Variants in GALNT14 observed in about 807,000 individuals in gnomAD.
GALNT14 encodes the protein UDP-GalNAc:polypeptide N-acetylgalactosaminyltransferase 14.
In GALNT14, 60 loss-of-function variants were observed where a neutral mutation model predicts 77.5. The observed-to-expected ratio is 0.77, with a 90% confidence interval of 0.63 to 0.96. GALNT14 has a LOEUF of 0.96. Ranked by LOEUF, GALNT14 falls within the 40% of genes least tolerant of loss-of-function variation. The probability of loss-of-function intolerance (pLI) is 0.00; values close to 1 mark genes in which losing one functional copy is unlikely to be tolerated. For synonymous variants in GALNT14, 280 were observed against 281.7 expected, an observed-to-expected ratio of 0.99 and a Z score of 0.06; for missense variants, 710 against 731.0, an observed-to-expected ratio of 0.97 and a Z score of 0.33.
intron 1 of GALNT14, among the ~76,000 whole-genome samples, chr2:31,027,852 C>A (rs926134976): frequency 1.4e-5 from 2 of 147,316 alleles, no homozygotes; most frequent in African/African-American, 2.5e-5. Context: ...TGCTGCCTGG[C>A]GGATATGATA....
chr2:31,065,086 A>G (rs1674856874), intron 1 of GALNT14: 1 of 151,764 alleles, frequency 6.6e-6, no homozygotes, highest in Non-Finnish European at 1.5e-5. Flanking sequence ...TCTTCTCTCC[A>G]GATCAGCCCA....
chr2:31,062,375 T>C (rs568603409), intron 1 of GALNT14, among the ~76,000 whole-genome samples: 57 of 152,338 alleles, frequency 3.7e-4, no homozygotes, highest in African/African-American at 1.3e-3. Context: ...TCAATGTTCT[T>C]ACAAAGAACA....
chr2:30,937,586 G>A (rs1033088441), intron 9 of GALNT14, among the ~76,000 whole-genome samples: 1 of 152,156 alleles, frequency 6.6e-6, no homozygotes, highest in African/African-American at 2.4e-5. Context: ...TCCAGCAGCC[G>A]TGGTCGGTAC....
chr2:30,983,620 G>A (rs1398057028), intron 2 of GALNT14, among the ~76,000 whole-genome samples: 1 of 152,186 alleles, frequency 6.6e-6, no homozygotes, highest in Non-Finnish European at 1.5e-5. Flanking sequence ...TGGCCCAGAT[G>A]GCAGAACACC....
intron 1 of GALNT14, among the ~76,000 whole-genome samples, chr2:31,025,291 C>T (rs1015874915): frequency 1.3e-5 from 2 of 152,190 alleles, no homozygotes; most frequent in African/African-American, 4.8e-5. Flanking sequence ...AGACACCTGA[C>T]CCCAGAGCCA....
chr2:31,129,622 A>G, intron 1 of GALNT14: 7 of 985,356 alleles, frequency 7.1e-6, no homozygotes, highest in Non-Finnish European at 8.4e-6. Flanking sequence ...CTAATTTTTC[A>G]GTGGCCATCA....
Position 31,138,117 on chromosome 2 carries a change from C to A in GALNT14, c.-31G>T. The A allele has an allele frequency of 6.2e-7, 1 of 1,613,164 alleles. No homozygotes were observed. Among genetic ancestry groups the A allele is most frequent in the Non-Finnish European group, 8.5e-7 (1 of 1,179,612 alleles). Reference sequence around the variant, plus strand: ...CCTTTGCCGCTTCCTCTCCGCGGCGCTACGTCCCGGGGGCACCCCCCGGCG... The same window carrying A: ...CCTTTGCCGCTTCCTCTCCGCGGCGATACGTCCCGGGGGCACCCCCCGGCG... On this transcript the variant is annotated 5_prime_UTR_variant, in exon 1 of 15. Transcript: ENST00000349752.
chr2:30,976,613 G>A (rs368244723), intron 2 of GALNT14, among the ~76,000 whole-genome samples: 177 of 134,046 alleles, frequency 1.3e-3, no homozygotes, highest in African/African-American at 5.4e-3. Flanking sequence ...GTGCGTGTGC[G>A]TGTGTGTATG....
intron 1 of GALNT14, among the ~76,000 whole-genome samples, chr2:31,039,679 G>A (rs1283723514): frequency 7.9e-6 from 1 of 127,148 alleles, no homozygotes; most frequent in Non-Finnish European, 1.7e-5. Flanking sequence ...CATATTAGAA[G>A]ATCTCTTTTT....
chr2:31,045,960 C>T (rs1319954981), intron 1 of GALNT14, among the ~76,000 whole-genome samples: 1 of 152,196 alleles, frequency 6.6e-6, no homozygotes, highest in East Asian at 1.9e-4. Context: ...GCACAGGCCA[C>T]TCCAATCCTT....
At chr2:30,886,867 C>T in the GALNT14 span, among the ~76,000 whole-genome samples, 4 of 152,208 alleles carry the variant, frequency 2.6e-5, no homozygotes, top group Non-Finnish European at 5.9e-5. Context: ...ACATTTTCAT[C>T]ACCCCCAGAG....
chr2:30,924,027 TG>T, intron 13 of GALNT14, 91 bp downstream of exon 13: 1 of 1,386,300 alleles, frequency 7.2e-7, no homozygotes, highest in South Asian at 1.2e-5. Flanking sequence ...GGGCATCTGA[TG>T]TCATGTAAGA....
At chr2:30,953,650 T>G (rs2364445) in intron 6 of GALNT14, among the ~76,000 whole-genome samples, 132,282 of 152,096 alleles carry the variant, frequency 0.87, 57,991 homozygotes, top group East Asian at 1. Flanking sequence ...TTCTACTTGC[T>G]GTCACTTATA....
At chr2:31,065,560 G>A (rs778706853) in intron 1 of GALNT14, among the ~76,000 whole-genome samples, 16 of 152,170 alleles carry the variant, frequency 1.1e-4, no homozygotes, top group Non-Finnish European at 2.1e-4. Flanking sequence ...GGGGAGTCAG[G>A]GCCAGCAAGA....
rs75523661 is a variant in GALNT14 at position 31,005,097 on chromosome 2, G to A, written c.130-12090C>T. Reference sequence around the variant, plus strand: ...AAATTGTGACCCCTAGGACACTAAGGGAATACAAGGAAAAGGGTAAAGAAC... The same window carrying A: ...AAATTGTGACCCCTAGGACACTAAGAGAATACAAGGAAAAGGGTAAAGAAC... On this transcript the variant is annotated intron_variant, in intron 1 of 14. Transcript: ENST00000349752. Among the ~76,000 whole-genome samples, 485 of 152,292 alleles carry A rather than the reference G, an allele frequency of 3.2e-3. 1 individual carries two copies. The highest frequency in any genetic ancestry group is 0.01 in the African/African-American group (421 of 41,572).
At chr2:30,887,791 G>A in the GALNT14 span, among the ~76,000 whole-genome samples, 13 of 152,160 alleles carry the variant, frequency 8.5e-5, no homozygotes, top group Admixed American at 8.5e-4. Flanking sequence ...AAAATCTGAG[G>A]TCATGAAGAT....
intron 1 of GALNT14, among the ~76,000 whole-genome samples, chr2:31,011,191 T>C (rs1558490648): frequency 6.6e-6 from 1 of 152,250 alleles, no homozygotes; most frequent in Non-Finnish European, 1.5e-5. Context: ...GAGTTAGCTG[T>C]CTGGCTGTCT....
At chr2:31,028,488 C>T (rs1448662324) in intron 1 of GALNT14, among the ~76,000 whole-genome samples, 1 of 152,254 alleles carries the variant, frequency 6.6e-6, no homozygotes, top group Non-Finnish European at 1.5e-5. Context: ...CTGCCCTCCA[C>T]CAGGTCCGGT....
chr2:31,079,985 C>T (rs1234128274), intron 1 of GALNT14, among the ~76,000 whole-genome samples: 1 of 152,160 alleles, frequency 6.6e-6, no homozygotes, highest in African/African-American at 2.4e-5. Context: ...ACCTGGTGCC[C>T]AAATAGTTTG....
Sources: allele counts gnomAD v4.1 joint callset (sites outside exome capture counted in the v4.1 genomes callset), GRCh38; gene constraint gnomAD v4.1.1; transcripts MANE v1.5; gene names NCBI Gene and HGNC (gene_info 2026-07-23, HGNC 2026-07-21).